CDH19: variants seen among roughly 807,000 people sequenced by gnomAD.
CDH19 encodes cadherin-19.
Under a neutral mutation model 64.2 loss-of-function variants are expected in CDH19, and 67 were observed. The ratio of observed to expected loss-of-function variants is 1.04; its 90% confidence interval spans 0.86 to 1.28. The LOEUF is 1.28. Among genes scored for constraint, CDH19 ranks in the 50% most tolerant of loss-of-function variants. The pLI is 0.00. For missense variants in CDH19, 1,030 were observed against 929.0 expected, an observed-to-expected ratio of 1.11 and a Z score of -1.41; for synonymous variants, 346 against 319.3, an observed-to-expected ratio of 1.08 and a Z score of -0.89.
chr18:66,602,918 A>C lies in CDH19; in HGVS notation c.-113+1036T>G, dbSNP rs1360736086. ...ATTATAGTAAGTAGGCATACTGCTG[A>C]TAATTACAATATTAAGAATTTGAAA... On this transcript the variant is annotated intron_variant, in intron 1 of 11. Coordinates refer to ENST00000262150, the MANE Select transcript of CDH19 (RefSeq NM_021153.4). Among the ~76,000 whole-genome samples the C allele has an allele frequency of 3.3e-5, 5 of 151,756 alleles. No individual in the cohort carries two copies. In the East Asian group the frequency reaches 9.7e-4, roughly 29 times the overall value.
intron 7 of CDH19, among the ~76,000 whole-genome samples, chr18:66,543,374 C>G (rs1447806869): frequency 6.6e-6 from 1 of 151,960 alleles, no homozygotes; most frequent in East Asian, 1.9e-4. Flanking sequence ...CTAATTGGGG[C>G]TTTTTAAAAA....
rs1568204104 is a variant in CDH19 at position 66,572,118 on chromosome 18, C to A, written c.87G>T (p.Lys29Asn). Reference sequence around the variant, plus strand: ...GAGATCGCACTGGCTGCTTGACTTTCTTTGTTTGAGAGTTTTCTGTTGCTC... The same window carrying A: ...GAGATCGCACTGGCTGCTTGACTTTATTTGTTTGAGAGTTTTCTGTTGCTC... The part of the protein sequence containing the change: ...CLGATENSQT[K>N]KVKQPVRSHL... The change falls in exon 2 of 12, where the codon AAG (lysine) becomes AAT (asparagine). Residue 29 changes from lysine (K) to asparagine (N), a missense_variant. Transcript: ENST00000262150. The A allele has an allele frequency of 1.2e-6, 2 of 1,611,666 alleles. No homozygotes were observed. Among genetic ancestry groups the A allele is most frequent in the South Asian group, 1.1e-5 (1 of 91,020 alleles).
intron 1 of CDH19, among the ~76,000 whole-genome samples, chr18:66,578,239 T>C (rs763020467): frequency 7.9e-5 from 12 of 151,978 alleles, no homozygotes; most frequent in Non-Finnish European, 1.6e-4. Context: ...TTGTTAATTA[T>C]ATATCTTGTA....
At chr18:66,545,254 A>G (rs985658316) in intron 5 of CDH19, among the ~76,000 whole-genome samples, 1 of 152,096 alleles carries the variant, frequency 6.6e-6, no homozygotes, top group African/African-American at 2.4e-5. Flanking sequence ...CTGGGATTTC[A>G]GATGTGAGCC....
chr18:66,565,066 T>C (rs181993867), intron 3 of CDH19, among the ~76,000 whole-genome samples: 3 of 151,932 alleles, frequency 2.0e-5, no homozygotes, highest in African/African-American at 7.2e-5. Context: ...ACCCATGTAC[T>C]CACTCATTTA....
intron 11 of CDH19, among the ~76,000 whole-genome samples, chr18:66,505,567 A>G (rs1458685173): frequency 6.8e-6 from 1 of 146,004 alleles, no homozygotes; most frequent in Non-Finnish European, 1.5e-5. Flanking sequence ...ATTAATATAT[A>G]TATAATATAA....
chr18:66,599,373 T>C (rs1355634371), intron 1 of CDH19, among the ~76,000 whole-genome samples: 2 of 152,002 alleles, frequency 1.3e-5, no homozygotes, highest in Non-Finnish European at 2.9e-5. Flanking sequence ...CATAGAGGCA[T>C]AAAGTAGACT....
At chr18:66,563,982 A>T (rs1292759084) in intron 3 of CDH19, among the ~76,000 whole-genome samples, 1 of 151,924 alleles carries the variant, frequency 6.6e-6, no homozygotes, top group Non-Finnish European at 1.5e-5. Flanking sequence ...AAGAAGAGAA[A>T]TTCATCCCAG....
At chr18:66,548,316 C>T (rs1987213432) in intron 5 of CDH19, among the ~76,000 whole-genome samples, 1 of 149,098 alleles carries the variant, frequency 6.7e-6, no homozygotes, top group East Asian at 2.0e-4. Flanking sequence ...TTTACTTTTG[C>T]GAAGCTCAAG....
chr18:66,550,014 A>AG (rs1372919003), intron 5 of CDH19, among the ~76,000 whole-genome samples: 1 of 152,152 alleles, frequency 6.6e-6, no homozygotes, highest in Non-Finnish European at 1.5e-5. Flanking sequence ...AGGAAAAAAA[A>AG]GTAATCAAAA....
intron 9 of CDH19, 61 bp from the exon 10 acceptor site, chr18:66,511,746 G>T (rs1985501017): frequency 5.1e-6 from 4 of 777,038 alleles, no homozygotes; most frequent in Non-Finnish European, 6.8e-6. Flanking sequence ...GATCACTGCT[G>T]CTATTATTAT....
chr18:66,587,791 T>C (rs1988620716), intron 1 of CDH19, among the ~76,000 whole-genome samples: 1 of 152,072 alleles, frequency 6.6e-6, no homozygotes, highest in Non-Finnish European at 1.5e-5. Flanking sequence ...ATGTTTGTGG[T>C]AGGAGGTTGC....
chr18:66,589,076 C>T (rs1374428882), intron 1 of CDH19, among the ~76,000 whole-genome samples: 1 of 151,654 alleles, frequency 6.6e-6, no homozygotes, highest in Non-Finnish European at 1.5e-5. Flanking sequence ...TTTAACAAAA[C>T]CACCAATTAC....
intron 1 of CDH19, among the ~76,000 whole-genome samples, chr18:66,594,763 C>T (rs1988837431): frequency 6.8e-6 from 1 of 146,750 alleles, no homozygotes; most frequent in African/African-American, 2.5e-5. Flanking sequence ...GAACAAAAAA[C>T]CAAACACTGC....
chr18:66,516,368 T>C (rs7228814), intron 9 of CDH19, among the ~76,000 whole-genome samples: 348 of 152,066 alleles, frequency 2.3e-3, no homozygotes, highest in African/African-American at 7.4e-3. Context: ...TTATGTGATA[T>C]ACAAAAAAAC....
At chr18:66,544,468 T>C (rs536603307) in intron 6 of CDH19, among the ~76,000 whole-genome samples, 2 of 152,134 alleles carry the variant, frequency 1.3e-5, no homozygotes, top group African/African-American at 4.8e-5. Context: ...CTAATGAAAC[T>C]GAGAATTAAT....
chr18:66,557,904 A>T (rs1239848989), intron 3 of CDH19, among the ~76,000 whole-genome samples: 2 of 151,762 alleles, frequency 1.3e-5, no homozygotes, highest in Non-Finnish European at 2.9e-5. Flanking sequence ...CTTCTCATGA[A>T]GGGGTTCCCT....
At chr18:66,586,803 C>A (rs558406073) in intron 1 of CDH19, among the ~76,000 whole-genome samples, 5 of 152,114 alleles carry the variant, frequency 3.3e-5, no homozygotes, top group African/African-American at 1.2e-4. Context: ...AATATTAGAA[C>A]AATGTTAAGA....
chr18:66,594,513 C>T (rs1260840461), intron 1 of CDH19, among the ~76,000 whole-genome samples: 1 of 151,898 alleles, frequency 6.6e-6, no homozygotes, highest in Admixed American at 6.6e-5. Context: ...ACACACTTGG[C>T]CATAAAGCAA....
Sources: gnomAD v4.1 joint callset for allele counts (sites outside exome capture counted in the v4.1 genomes callset) on GRCh38, gnomAD v4.1.1 for gene constraint, MANE v1.5 for transcripts, NCBI Gene and HGNC (gene_info 2026-07-23, HGNC 2026-07-21) for gene names.